Variants in CAMK1D observed in about 807,000 individuals in gnomAD.
CAMK1D encodes calcium/calmodulin dependent protein kinase ID.
CAMK1D carries 9 observed loss-of-function variants against 47.7 expected under a neutral mutation model. The observed-to-expected ratio is 0.19, with a 90% CI of 0.11 to 0.33. The LOEUF (loss-of-function observed/expected upper bound fraction) is 0.33. Ranked by LOEUF, CAMK1D falls within the 10% of genes least tolerant of loss-of-function variation. The pLI is 1.00. For synonymous variants in CAMK1D, 184 were observed against 184.9 expected (o/e 0.99, Z 0.04); for missense variants, 291 against 488.7 (o/e 0.60, Z 3.81).
In CAMK1D at chr10:12,816,319, G is replaced by A. The variant is rs185727180; in HGVS notation, c.824G>A (p.Arg275Gln). ...NKRYTCEQAA[R>Q]HPWIAGDTAL... ...AGATACACGTGTGAGCAGGCAGCTC[G>A]GCACCCATGGTAAGGAAATGCACCC... is the stretch of plus-strand genomic sequence containing the variant. Residue 275 changes from arginine (R) to glutamine (Q), a missense_variant, in exon 8 of 11, where the codon CGG (arginine) becomes CAG (glutamine). By Grantham distance (43) the Arg-to-Gln change is conservative. Around this residue, in one of 2 missense-constraint regions of CAMK1D, gnomAD observed 219 missense variants for 424.3 expected, o/e 0.52. Transcript: ENST00000619168. The A allele has an allele frequency of 1.2e-5, 20 of 1,613,030 alleles. No homozygotes were observed. The highest frequency in any genetic ancestry group is 1.7e-4 in the Middle Eastern group (1 of 6,014).
chr10:12,762,935 A>G (rs536165005), intron 4 of CAMK1D, among the ~76,000 whole-genome samples: 1 of 152,336 alleles, frequency 6.6e-6, no homozygotes, highest in Non-Finnish European at 1.5e-5. Flanking sequence ...TGGTGACCAC[A>G]GGGATGCACT....
At chr10:12,679,881 A>G (rs562798840) in intron 3 of CAMK1D, among the ~76,000 whole-genome samples, 28 of 152,288 alleles carry the variant, frequency 1.8e-4, no homozygotes, top group African/African-American at 6.7e-4. Flanking sequence ...TGTCTGCTCC[A>G]CCAGGGCTTT....
At chr10:12,440,419 C>T (rs1334858914) in intron 1 of CAMK1D, among the ~76,000 whole-genome samples, 1 of 152,014 alleles carries the variant, frequency 6.6e-6, no homozygotes, top group Non-Finnish European at 1.5e-5. Context: ...TCCTGAGTAG[C>T]TGGGACTACA....
intron 1 of CAMK1D, among the ~76,000 whole-genome samples, chr10:12,462,018 C>G (rs1005360675): frequency 6.6e-6 from 1 of 152,140 alleles, no homozygotes; most frequent in African/African-American, 2.4e-5. Flanking sequence ...ACCCCTAACT[C>G]CCTTGCGACT....
At chr10:12,551,481 G>T (rs115399965) in intron 1 of CAMK1D, among the ~76,000 whole-genome samples, 2 of 152,266 alleles carry the variant, frequency 1.3e-5, no homozygotes, top group African/African-American at 4.8e-5. Flanking sequence ...GTGGCTGGGC[G>T]TGGTGGTTCA....
In CAMK1D at chr10:12,365,165, G is replaced by C. The variant is rs186931954; in HGVS notation, c.92+15255G>C. ...GAGACAGGGTTTCACCATGTTGGCCGGGCTGGTCTTGAATTCCTGACCTCA... is the reference window on the plus strand; with the variant it reads ...GAGACAGGGTTTCACCATGTTGGCCCGGCTGGTCTTGAATTCCTGACCTCA... On this transcript the variant is annotated intron_variant, in intron 1 of 10. Coordinates refer to ENST00000619168, the MANE Select transcript of CAMK1D (RefSeq NM_153498.4). 2.3e-3 allele frequency among the ~76,000 whole-genome samples: 356 copies of C among 151,762 alleles called. 3 individuals are homozygous for C. Among genetic ancestry groups the C allele is most frequent in the Non-Finnish European group, 3.6e-3 (243 of 67,884 alleles).
chr10:12,453,453 G>T (rs1588502316), intron 1 of CAMK1D, among the ~76,000 whole-genome samples: 1 of 152,200 alleles, frequency 6.6e-6, no homozygotes, highest in East Asian at 1.9e-4. Context: ...CTCCCAAAGT[G>T]CTAGGATTAC....
chr10:12,511,293 G>A (rs1011674143), intron 1 of CAMK1D, among the ~76,000 whole-genome samples: 1 of 152,060 alleles, frequency 6.6e-6, no homozygotes, highest in Non-Finnish European at 1.5e-5. Flanking sequence ...GGAATCTCCT[G>A]GGGAACTTTA....
intron 2 of CAMK1D, among the ~76,000 whole-genome samples, chr10:12,581,980 G>A (rs1837677918): frequency 6.6e-6 from 1 of 152,084 alleles, no homozygotes; most frequent in Non-Finnish European, 1.5e-5. Flanking sequence ...ATGTCTAGAG[G>A]GGTTTTTTTG....
At chr10:12,681,433 G>A (rs918765848) in intron 3 of CAMK1D, among the ~76,000 whole-genome samples, 1 of 152,216 alleles carries the variant, frequency 6.6e-6, no homozygotes, top group African/African-American at 2.4e-5. Context: ...ACACCTGACC[G>A]CAGCGCAGCT....
chr10:12,523,650 C>T (rs7091136), intron 1 of CAMK1D, among the ~76,000 whole-genome samples: 77,467 of 151,918 alleles, frequency 0.51, 19,962 homozygotes, highest in South Asian at 0.62. Context: ...CAGGCTGAGG[C>T]AGGAGAATCA....
At chr10:12,692,417 A>AT (rs1192319641) in intron 3 of CAMK1D, among the ~76,000 whole-genome samples, 6 of 152,228 alleles carry the variant, frequency 3.9e-5, no homozygotes, top group Admixed American at 3.9e-4. Flanking sequence ...AGTGCAAGTA[A>AT]TTTAGGGAAA....
intron 2 of CAMK1D, among the ~76,000 whole-genome samples, chr10:12,580,731 C>G (rs1837639499): frequency 6.6e-6 from 1 of 152,056 alleles, no homozygotes; most frequent in African/African-American, 2.4e-5. Context: ...TATGGGGAAC[C>G]CCAGGAATGG....
At position 12,553,323 on chromosome 10, in the gene CAMK1D, G is replaced by T; in HGVS notation, c.191G>T (p.Ser64Ile). ...AAGAAGGCGCTGAAGGGCAAGGAAA[G>T]CAGCATAGAGAATGAGATAGCCGTC... ...IPKKALKGKESSIENEIAVLR... is the reference protein window; with the variant it reads ...IPKKALKGKEISIENEIAVLR... The change falls in exon 2 of 11, where the codon AGC becomes ATC. Residue 64 changes from serine (S) to isoleucine (I), a missense_variant. Physicochemically the swap from Ser to Ile is moderately radical, Grantham distance 142. Transcript: ENST00000619168. The T allele has an allele frequency of 1.9e-6, 3 of 1,614,134 alleles. No individual in the cohort carries two copies. The highest frequency in any genetic ancestry group is 2.5e-6 in the Non-Finnish European group (3 of 1,179,978).
At chr10:12,561,098 T>G (rs766124611) in intron 2 of CAMK1D, among the ~76,000 whole-genome samples, 1 of 152,014 alleles carries the variant, frequency 6.6e-6, no homozygotes, top group Admixed American at 6.6e-5. Flanking sequence ...GTATTTTTTT[T>G]AATAGAGACA....
intron 6 of CAMK1D, among the ~76,000 whole-genome samples, chr10:12,801,354 T>TATCTATCTATCTATCTATC (rs57429397): frequency 4.5e-4 from 30 of 66,558 alleles, no homozygotes; most frequent in East Asian, 2.0e-3. Flanking sequence ...TCTATCTATC[T>TATCTATCTATCTATCTATC]TATCTATCTA....
chr10:12,604,685 T>A (rs924980067), intron 2 of CAMK1D, among the ~76,000 whole-genome samples: 1 of 152,168 alleles, frequency 6.6e-6, no homozygotes, highest in Non-Finnish European at 1.5e-5. Context: ...CCAGTTGACT[T>A]TGGAATGTAT....
chr10:12,801,355 T>A (rs368954947), intron 6 of CAMK1D, among the ~76,000 whole-genome samples: 9 of 12,600 alleles, frequency 7.1e-4, no homozygotes, highest in East Asian at 4.0e-3. Context: ...CTATCTATCT[T>A]ATCTATCTAT....
intron 1 of CAMK1D, among the ~76,000 whole-genome samples, chr10:12,396,482 C>G (rs1838960298): frequency 6.6e-6 from 1 of 152,226 alleles, no homozygotes; most frequent in African/African-American, 2.4e-5. Flanking sequence ...TGGCTTAACC[C>G]CCTTTTTGCC....
Sources: allele counts gnomAD v4.1 joint callset (sites outside exome capture counted in the v4.1 genomes callset), GRCh38; gene constraint gnomAD v4.1.1; regional missense constraint gnomAD v4.1.1; transcripts MANE v1.5; gene names NCBI Gene and HGNC (gene_info 2026-07-23, HGNC 2026-07-21).